Variants in IRAG2 observed in about 807,000 individuals in gnomAD.
The protein encoded by IRAG2 is inositol 1,4,5-triphosphate receptor associated 2, also known as lymphoid restricted membrane protein.
Under a neutral mutation model 69.9 loss-of-function variants are expected in IRAG2, and 45 were observed. That is an observed-to-expected ratio of 0.64 (90% confidence interval 0.51 to 0.83). The LOEUF (loss-of-function observed/expected upper bound fraction) is 0.83, where lower values mean the gene tolerates loss of function less well. Among genes scored for constraint, IRAG2 ranks in the 40% least tolerant of loss-of-function variants. The pLI is 0.00. For missense variants in IRAG2, 520 were observed against 587.0 expected, an observed-to-expected ratio of 0.89 and a Z score of 1.18; for synonymous variants, 193 against 202.4, an observed-to-expected ratio of 0.95 and a Z score of 0.40.
intron 1 of IRAG2, among the ~76,000 whole-genome samples, chr12:25,059,296 G>T (rs891928112): frequency 2.6e-5 from 4 of 152,022 alleles, no homozygotes; most frequent in Non-Finnish European, 5.9e-5. Flanking sequence ...TCTTTACCAG[G>T]GTCCTAAGTA....
intron 14 of IRAG2, among the ~76,000 whole-genome samples, chr12:25,091,659 T>TAATTATA (rs1948074712): frequency 4.6e-5 from 7 of 152,170 alleles, no homozygotes; most frequent in Middle Eastern, 3.4e-3. Flanking sequence ...AGTAATTATA[T>TAATTATA]TTTTAATTTT....
upstream of IRAG2, among the ~76,000 whole-genome samples, chr12:25,001,034 TC>T (rs1300756102): frequency 1.3e-5 from 2 of 152,190 alleles, no homozygotes; most frequent in African/African-American, 4.8e-5. Flanking sequence ...AATTTTGAAA[TC>T]TTTATCACCC....
At chr12:25,012,046 A>T (rs860878) in intron 3 of IRAG2, among the ~76,000 whole-genome samples, 2,245 of 152,202 alleles carry the variant, frequency 0.015, 64 homozygotes, top group African/African-American at 0.051. Flanking sequence ...TAGAATAGGA[A>T]AAAGAAAAAG....
intron 8 of IRAG2, among the ~76,000 whole-genome samples, chr12:25,024,549 TTTTA>T (rs755385722): frequency 9.8e-5 from 15 of 152,368 alleles, no homozygotes; most frequent in African/African-American, 2.9e-4. Context: ...GGAAAATTCC[TTTTA>T]TAATAGACAC....
intron 7 of IRAG2, chr12:25,020,981 G>C: frequency 1.4e-6 from 1 of 705,132 alleles, no homozygotes; most frequent in Non-Finnish European, 2.0e-6. Flanking sequence ...GGACTTATCC[G>C]GTGGAACATC....
upstream of IRAG2, among the ~76,000 whole-genome samples, chr12:25,000,650 C>T (rs1044591096): frequency 1.3e-5 from 2 of 152,076 alleles, no homozygotes; most frequent in Non-Finnish European, 2.9e-5. Flanking sequence ...ATTTTAAAAA[C>T]CATGGAAAAT....
exon 1 of IRAG2, chr12:25,004,536 T>C: frequency 1.6e-6 from 2 of 1,232,148 alleles, no homozygotes; most frequent in Non-Finnish European, 2.0e-6. Flanking sequence ...GGAAAATGAC[T>C]GCTGCTTGTG....
intron 16 of IRAG2, among the ~76,000 whole-genome samples, chr12:25,040,945 G>C (rs1490840125): frequency 6.6e-6 from 1 of 152,190 alleles, no homozygotes; most frequent in East Asian, 1.9e-4. Context: ...ATGTCAGAGA[G>C]TGTTATAAAG....
intron 12 of IRAG2, chr12:25,032,516 T>G (rs1392668872): frequency 5.0e-6 from 2 of 396,610 alleles, no homozygotes; most frequent in Middle Eastern, 6.3e-4. Context: ...AGAACTTCTT[T>G]GTGAGTTTTC....
intron 17 of IRAG2, 32 bp downstream of exon 17, chr12:25,102,273 C>T: frequency 6.4e-7 from 1 of 1,559,350 alleles, no homozygotes; most frequent in Non-Finnish European, 8.8e-7. Flanking sequence ...AAATGTCTAG[C>T]AAATACTATA....
At chr12:25,002,539 A>G (rs1944398701), upstream of IRAG2, among the ~76,000 whole-genome samples, 1 of 152,206 alleles carries the variant, frequency 6.6e-6, no homozygotes, top group East Asian at 1.9e-4. Context: ...ATCCTAGGAG[A>G]GATCAGAAAG....
intron 3 of IRAG2, among the ~76,000 whole-genome samples, chr12:25,013,292 CTT>C (rs1360278389): frequency 1.4e-4 from 21 of 152,240 alleles, no homozygotes; most frequent in Non-Finnish European, 2.8e-4. Flanking sequence ...GTCTGGGCAA[CTT>C]AGCAAGATTC....
chr12:25,048,542 C>T (rs1312426849), upstream of IRAG2, among the ~76,000 whole-genome samples: 1 of 152,146 alleles, frequency 6.6e-6, no homozygotes, highest in South Asian at 2.1e-4. Flanking sequence ...AGCAATCCAC[C>T]CGCCTCAGCC....
chr12:25,091,939 A>G (rs893315120), intron 14 of IRAG2, among the ~76,000 whole-genome samples: 2 of 152,036 alleles, frequency 1.3e-5, no homozygotes, highest in African/African-American at 4.8e-5. Context: ...GTCCCTTTCT[A>G]TTTTCTTTGC....
intron 6 of IRAG2, chr12:25,017,440 G>T (rs1944539685): frequency 1.3e-6 from 1 of 767,994 alleles, no homozygotes; most frequent in Non-Finnish European, 1.8e-6. Flanking sequence ...TTCTCTGGCT[G>T]GGCATGGTGA....
At chr12:25,101,077 G>A in intron 15 of IRAG2, 101 bp from the exon 16 acceptor site, 1 of 985,400 alleles carries the variant, frequency 1.0e-6, no homozygotes, top group Non-Finnish European at 1.4e-6. Context: ...TGCCACTTTA[G>A]TGGGATTTAG....
At chr12:25,069,840 A>G (rs562101427) in intron 6 of IRAG2, among the ~76,000 whole-genome samples, 2 of 152,324 alleles carry the variant, frequency 1.3e-5, no homozygotes, top group Non-Finnish European at 2.9e-5. Context: ...CCCTTTGTCA[A>G]AGACCACAAA....
chr12:25,001,189 C>T (rs569148278), upstream of IRAG2, among the ~76,000 whole-genome samples: 3 of 152,072 alleles, frequency 2.0e-5, no homozygotes, highest in Non-Finnish European at 4.4e-5. Context: ...AACCACAAAG[C>T]AGGGCTCACT....
chr12:25,009,792 A>G (rs1299376234), intron 2 of IRAG2, among the ~76,000 whole-genome samples: 2 of 109,002 alleles, frequency 1.8e-5, no homozygotes, highest in Admixed American at 1.1e-4. Context: ...TTTCAATTCA[A>G]GTCTAGAAGC....
Sources: allele counts gnomAD v4.1 joint callset (sites outside exome capture counted in the v4.1 genomes callset), GRCh38; gene constraint gnomAD v4.1.1; transcripts MANE v1.5; gene names NCBI Gene and HGNC (gene_info 2026-07-23, HGNC 2026-07-21).